NOX4: variants seen among roughly 807,000 people sequenced by gnomAD.
The protein encoded by NOX4 is kidney oxidase-1.
In NOX4, 69 loss-of-function variants were observed where a neutral mutation model predicts 87.6. That is an observed-to-expected ratio of 0.79 (90% confidence interval 0.65 to 0.96). The LOEUF (loss-of-function observed/expected upper bound fraction) is 0.96, where lower values mean the gene tolerates loss of function less well. Ranked by LOEUF, NOX4 falls within the 40% of genes least tolerant of loss-of-function variation. The pLI is 0.00. For missense variants in NOX4, 680 were observed against 681.5 expected, an observed-to-expected ratio of 1.00 and a Z score of 0.02; for synonymous variants, 275 against 238.2, an observed-to-expected ratio of 1.15 and a Z score of -1.42.
At chr11:89,553,765 A>T in the NOX4 span, among the ~76,000 whole-genome samples, 1 of 152,144 alleles carries the variant, frequency 6.6e-6, no homozygotes, top group East Asian at 1.9e-4. Context: ...AATAATAACT[A>T]GTCTTCGAGT....
chr11:89,546,474 G>T, the NOX4 span, among the ~76,000 whole-genome samples: 1 of 152,272 alleles, frequency 6.6e-6, no homozygotes, highest in South Asian at 2.1e-4. Flanking sequence ...TGGGACTCAG[G>T]AGAGAGATAG....
intron 2 of NOX4, among the ~76,000 whole-genome samples, chr11:89,462,956 A>C (rs1267320376): frequency 1.3e-5 from 2 of 151,994 alleles, no homozygotes; most frequent in African/African-American, 4.8e-5. Flanking sequence ...ATATATGATA[A>C]GATAACCAAA....
the NOX4 span, among the ~76,000 whole-genome samples, chr11:89,556,638 AG>A: frequency 6.6e-6 from 1 of 152,160 alleles, no homozygotes; most frequent in African/African-American, 2.4e-5. Flanking sequence ...ATTTGGGAAG[AG>A]GCAAGTCAAA....
chr11:89,404,058 A>G (rs1942030137), intron 8 of NOX4, among the ~76,000 whole-genome samples: 1 of 152,164 alleles, frequency 6.6e-6, no homozygotes, highest in Non-Finnish European at 1.5e-5. Flanking sequence ...CATTTTTTTT[A>G]AAGTAATACA....
At chr11:89,486,586 A>G (rs1591370475) in intron 2 of NOX4, among the ~76,000 whole-genome samples, 1 of 134,258 alleles carries the variant, frequency 7.4e-6, no homozygotes, top group Non-Finnish European at 1.5e-5. Context: ...ATGTGTGTAT[A>G]TATGTGTATA....
At chr11:89,359,100 T>C (rs903122634) in intron 12 of NOX4, among the ~76,000 whole-genome samples, 1 of 152,098 alleles carries the variant, frequency 6.6e-6, no homozygotes, top group African/African-American at 2.4e-5. Context: ...AACAAAAAGA[T>C]TATGAGGCCC....
At chr11:89,497,325 T>C (rs1054406325) in intron 1 of NOX4, among the ~76,000 whole-genome samples, 3 of 152,214 alleles carry the variant, frequency 2.0e-5, no homozygotes, top group Admixed American at 6.6e-5. Context: ...TGAAAAAATA[T>C]TCTTAATACC....
chr11:89,485,267 T>C (rs1452150557), intron 2 of NOX4, among the ~76,000 whole-genome samples: 2 of 152,228 alleles, frequency 1.3e-5, no homozygotes, highest in Middle Eastern at 3.4e-3. Context: ...TTCAAGATCA[T>C]GCAGCAGATC....
Position 89,444,213 on chromosome 11 carries a change from A to G in NOX4, c.369T>C (p.His123=), listed in dbSNP as rs781576222. ...CTGAGAAGTTGAGGGCATTCACCAG[A>G]TGGGCAGCCACATGCACGCCTACAG... is the stretch of plus-strand genomic sequence containing the variant. ...CIFSGVHVAA[H]LVNALNFSVN... The change falls in exon 5 of 18, where the codon CAT becomes CAC. Residue 123 remains histidine, a synonymous_variant. Transcript: ENST00000263317. 1.8e-5 allele frequency: 29 copies of G among 1,613,388 alleles called. No individual in the cohort carries two copies. Among genetic ancestry groups the G allele is most frequent in the Non-Finnish European group, 2.3e-5 (27 of 1,179,630 alleles).
chr11:89,484,105 C>T (rs982475945), intron 2 of NOX4, among the ~76,000 whole-genome samples: 8 of 152,038 alleles, frequency 5.3e-5, no homozygotes, highest in African/African-American at 1.9e-4. Context: ...CCAGTTATCA[C>T]TGAGCACAAT....
intron 7 of NOX4, among the ~76,000 whole-genome samples, chr11:89,425,518 A>G (rs973322623): frequency 6.6e-6 from 1 of 151,978 alleles, no homozygotes; most frequent in African/African-American, 2.4e-5. Flanking sequence ...ATCAGTAAAG[A>G]GAATAATAAC....
intron 7 of NOX4, among the ~76,000 whole-genome samples, chr11:89,431,802 A>G (rs2135310598): frequency 6.6e-6 from 1 of 152,314 alleles, no homozygotes; most frequent in East Asian, 1.9e-4. Flanking sequence ...GCGATTCCTC[A>G]GGGATCTAGA....
chr11:89,335,921 CATG>C lies in NOX4; in HGVS notation c.1537_1539del (p.His513del). On this transcript the variant is annotated inframe_deletion, in exon 17 of 18. Transcript: ENST00000263317. ...CCTATAAACAGTCTTGAATTCAGTG[CATG>C]ATATTTTTCTCCAATTATCTTCTGC... 6.3e-7 allele frequency: 1 copy of C among 1,596,022 alleles called. No individual in the cohort carries two copies. Among genetic ancestry groups the C allele is most frequent in the South Asian group, 1.2e-5 (1 of 86,510 alleles).
intron 2 of NOX4, among the ~76,000 whole-genome samples, chr11:89,468,481 T>A (rs1945798939): frequency 6.6e-6 from 1 of 152,176 alleles, no homozygotes; most frequent in Admixed American, 6.5e-5. Context: ...ACGGATGCTA[T>A]CTGCTAATTT....
At chr11:89,390,840 A>G (rs1249258633) in intron 11 of NOX4, among the ~76,000 whole-genome samples, 4 of 152,168 alleles carry the variant, frequency 2.6e-5, no homozygotes, top group African/African-American at 9.6e-5. Context: ...GTTAGAGAGA[A>G]ATAAGCACCA....
the NOX4 span, chr11:89,576,878 T>C: frequency 6.6e-6 from 1 of 152,134 alleles, no homozygotes; most frequent in East Asian, 1.9e-4. Context: ...ACACCAGTAA[T>C]TTGTTTCAAA....
rs1395611221 is a variant in NOX4, at chr11:89,451,843, C to T, written c.206G>A (p.Ser69Asn). ...ASASVLNLNC[S>N]LILLPMCRTL... ...TCGGCACATGGGTAAAAGGATAAGG[C>T]TGCAGTTGAGGTTAAGAACAGATGC... The change falls in exon 3 of 18, where the codon AGC becomes AAC. Residue 69 changes from serine to asparagine, a missense_variant. Coordinates refer to ENST00000263317, the MANE Select transcript of NOX4 (RefSeq NM_016931.5). The T allele has an allele frequency of 9.9e-6, 16 of 1,613,380 alleles. No individual in the cohort carries two copies. In the Admixed American group the frequency reaches 2.7e-4, roughly 27 times the overall value.
At chr11:89,543,653 A>G in the NOX4 span, among the ~76,000 whole-genome samples, 1 of 152,092 alleles carries the variant, frequency 6.6e-6, no homozygotes, top group Non-Finnish European at 1.5e-5. Flanking sequence ...ATGCAACAAA[A>G]AATTTAGTAT....
In NOX4 at chr11:89,445,559, C is replaced by T. The variant is rs140900381; in HGVS notation, c.350-1327G>A. ...GAACAGAATAGAGAGCCCAGAAATA[C>T]GCCCACATTAATACAGTCAATTGAT... On this transcript the variant is annotated intron_variant, in intron 4 of 17. Coordinates refer to ENST00000263317, the MANE Select transcript of NOX4 (RefSeq NM_016931.5). 3.1e-3 allele frequency among the ~76,000 whole-genome samples: 465 copies of T among 152,102 alleles called. 5 individuals carry two copies. The highest frequency in any genetic ancestry group is 1.0e-2 in the African/African-American group (414 of 41,506).
Sources: allele counts gnomAD v4.1 joint callset (sites outside exome capture counted in the v4.1 genomes callset), GRCh38; gene constraint gnomAD v4.1.1; transcripts MANE v1.5; gene names NCBI Gene and HGNC (gene_info 2026-07-23, HGNC 2026-07-21).